Variants in GSPT1 observed in about 807,000 individuals in gnomAD.
The protein encoded by GSPT1 is eukaryotic peptide chain release factor GTP-binding subunit ERF3A.
Under a neutral mutation model 72.5 loss-of-function variants are expected in GSPT1, and 20 were observed. The observed-to-expected ratio is 0.28, with a 90% CI of 0.19 to 0.40. The LOEUF (loss-of-function observed/expected upper bound fraction) is 0.40, where lower values mean the gene tolerates loss of function less well. Among genes scored for constraint, GSPT1 ranks in the 10% least tolerant of loss-of-function variants. The probability of loss-of-function intolerance (pLI) is 1.00; values close to 1 mark genes in which losing one functional copy is unlikely to be tolerated. For synonymous variants in GSPT1, 334 were observed against 293.5 expected (o/e 1.14, Z -1.41); for missense variants, 580 against 811.9 (o/e 0.71, Z 3.47).
intron 11 of GSPT1, among the ~76,000 whole-genome samples, chr16:11,880,681 A>G (rs1209350721): frequency 6.6e-6 from 1 of 152,128 alleles, no homozygotes; most frequent in African/African-American, 2.4e-5. Flanking sequence ...GCATTTCTTC[A>G]TGTACTTTTT....
intron 11 of GSPT1, among the ~76,000 whole-genome samples, chr16:11,880,817 T>C (rs1245441243): frequency 6.6e-6 from 1 of 152,240 alleles, no homozygotes; most frequent in Non-Finnish European, 1.5e-5. Flanking sequence ...TAACCCCATA[T>C]TTAGATACAT....
At chr16:11,891,268 TA>T (rs1397065358) in intron 5 of GSPT1, 129 bp from the exon 6 acceptor site, 54 of 292,654 alleles carry the variant, frequency 1.8e-4, no homozygotes, top group East Asian at 1.3e-4. Context: ...TGTGTCTGTC[TA>T]AAAAAATATA....
At chr16:11,909,089 C>A (rs1282369315) in intron 1 of GSPT1, among the ~76,000 whole-genome samples, 1 of 151,350 alleles carries the variant, frequency 6.6e-6, no homozygotes, top group Non-Finnish European at 1.5e-5. Flanking sequence ...CTGCAGAATG[C>A]GCTTTTTTTT....
intron 11 of GSPT1, among the ~76,000 whole-genome samples, chr16:11,878,837 G>C (rs892762400): frequency 6.6e-6 from 1 of 151,840 alleles, no homozygotes. Context: ...AGGCCGAGGC[G>C]GGTGATCACC....
chr16:11,902,642 C>G (rs1005463494), intron 1 of GSPT1, among the ~76,000 whole-genome samples: 3 of 150,876 alleles, frequency 2.0e-5, no homozygotes, highest in Non-Finnish European at 4.4e-5. Context: ...GGTTGGAGTG[C>G]ACTATCGCAG....
intron 1 of GSPT1, among the ~76,000 whole-genome samples, chr16:11,901,122 A>T (rs1448456193): frequency 6.6e-6 from 1 of 152,148 alleles, no homozygotes; most frequent in Non-Finnish European, 1.5e-5. Flanking sequence ...ACACCACTGC[A>T]CTCCAGCCTG....
chr16:11,913,714 G>A (rs2054588962), intron 1 of GSPT1, among the ~76,000 whole-genome samples: 1 of 152,184 alleles, frequency 6.6e-6, no homozygotes, highest in African/African-American at 2.4e-5. Flanking sequence ...TAGGGAATGG[G>A]CACTTTTAGG....
rs751814716 is a variant in GSPT1 at position 11,915,433 on chromosome 16, C to T, written c.288G>A (p.Pro96=). 5.3e-6 allele frequency: 8 copies of T among 1,513,424 alleles called. No individual in the cohort carries two copies. The highest frequency in any genetic ancestry group is 7.1e-6 in the Non-Finnish European group (8 of 1,133,678). 93.7% of individuals were successfully genotyped at this position (1,513,424 alleles called of 1,614,324 possible). The change falls in exon 1 of 15, where the codon CCG becomes CCA. Residue 96 remains proline, a synonymous_variant. Coordinates refer to ENST00000434724, the MANE Select transcript of GSPT1 (RefSeq NM_002094.4). ...VPSFLRGPAA[P]PPPVGGAANN... ...TGGCGGCGCCGCCAACTGGGGGTGG[C>T]GGCGCTGCCGGGCCCCGCAGGAAGG...
At position 11,868,241 on chromosome 16, in the gene GSPT1, G is replaced by A. The variant is rs974395690; in HGVS notation, c.*4878C>T. 6.6e-6 allele frequency: 1 copy of A among 152,106 alleles called. No homozygotes were observed. The highest frequency in any genetic ancestry group is 6.6e-5 in the Admixed American group (1 of 15,256). The allele number at this position is 152,106 out of a possible 1,614,324, so 9.4% of individuals were successfully genotyped here. A position where few individuals can be genotyped will look rare whatever the true frequency, so the allele number is the denominator to read the frequency against. On this transcript the variant is annotated 3_prime_UTR_variant, in exon 15 of 15. Coordinates refer to ENST00000434724, the MANE Select transcript of GSPT1 (RefSeq NM_002094.4). The stretch of plus-strand genomic sequence containing the variant: ...TAATCCTCACACAGGCACCAAGTCA[G>A]GCACAGTAGGTAGCTACAAATCGTA...
intron 12 of GSPT1, among the ~76,000 whole-genome samples, chr16:11,876,922 AAT>A (rs1315966845): frequency 1.3e-5 from 2 of 152,212 alleles, no homozygotes; most frequent in Non-Finnish European, 2.9e-5. Flanking sequence ...CTGGCATCAA[AAT>A]CTAACTTGAT....
chr16:11,902,226 C>CA (rs1567448519), intron 1 of GSPT1, among the ~76,000 whole-genome samples: 2 of 150,224 alleles, frequency 1.3e-5, no homozygotes, highest in African/African-American at 4.9e-5. Context: ...ACTAAAAATA[C>CA]AAAAAATTAG....
chr16:11,898,339 T>C (rs1281357684), intron 1 of GSPT1, among the ~76,000 whole-genome samples: 3 of 152,202 alleles, frequency 2.0e-5, no homozygotes, highest in East Asian at 1.9e-4. Context: ...CAAAGTAATT[T>C]GCAGCTCAGC....
chr16:11,899,494 G>C (rs1026297649), intron 1 of GSPT1, among the ~76,000 whole-genome samples: 1 of 152,040 alleles, frequency 6.6e-6, no homozygotes, highest in African/African-American at 2.4e-5. Flanking sequence ...CAACTAGGAG[G>C]GGATGGGGGC....
chr16:11,878,774 A>G (rs2054080052), intron 11 of GSPT1, among the ~76,000 whole-genome samples: 1 of 152,026 alleles, frequency 6.6e-6, no homozygotes, highest in South Asian at 2.1e-4. Flanking sequence ...CATTTACTAC[A>G]TCAATAATGC....
At chr16:11,883,613 C>T (rs994436656) in intron 10 of GSPT1, among the ~76,000 whole-genome samples, 1 of 130,024 alleles carries the variant, frequency 7.7e-6, no homozygotes, top group Non-Finnish European at 1.6e-5. Context: ...GAGCAAGACT[C>T]TGTCTCAAAA....
At position 11,883,033 on chromosome 16, in the gene GSPT1, A is replaced by C. The variant is rs1272288997; in HGVS notation, c.1410T>G (p.Leu470=). ...ESGSICKGQQ[L]VMMPNKHNVE... ...TTCTTACCTTGTTTGGCATCATCAC[A>C]AGCTGCTGGCCTTTACAAATAGATC... Residue 470 remains leucine, a synonymous_variant, in exon 11 of 15, where the codon CTT becomes CTG. Transcript: ENST00000434724. 1 of 1,601,952 alleles carries C rather than the reference A, an allele frequency of 6.2e-7. No individual in the cohort carries two copies. Among genetic ancestry groups the C allele is most frequent in the Non-Finnish European group, 8.6e-7 (1 of 1,168,988 alleles).
In GSPT1 at chr16:11,913,350, C is replaced by CA. The variant is rs372764723; in HGVS notation, c.352+2018dup. On this transcript the variant is annotated intron_variant, in intron 1 of 14. Coordinates refer to ENST00000434724, the MANE Select transcript of GSPT1 (RefSeq NM_002094.4). ...AAGCAATTGGTAAAGTCGGTAACAC[C>CA]AAAATAGTTTTTTGATTAAAAACAA... 1.2e-3 allele frequency among the ~76,000 whole-genome samples: 181 copies of CA among 152,228 alleles called. 1 individual carries two copies. Among genetic ancestry groups the CA allele is most frequent in the African/African-American group, 4.2e-3 (174 of 41,552 alleles).
chr16:11,892,749 A>C (rs184687418), intron 5 of GSPT1, among the ~76,000 whole-genome samples: 15 of 136,932 alleles, frequency 1.1e-4, no homozygotes, highest in Admixed American at 3.3e-4. Flanking sequence ...GAATCATTTG[A>C]ACCCAGGAGG....
chr16:11,905,581 T>C (rs987555350), intron 1 of GSPT1, among the ~76,000 whole-genome samples: 5 of 152,152 alleles, frequency 3.3e-5, no homozygotes, highest in Non-Finnish European at 5.9e-5. Flanking sequence ...GTACCTGTAA[T>C]CCCAGCACTT....
Sources: allele counts gnomAD v4.1 joint callset (sites outside exome capture counted in the v4.1 genomes callset), GRCh38; gene constraint gnomAD v4.1.1; transcripts MANE v1.5; gene names NCBI Gene and HGNC (gene_info 2026-07-23, HGNC 2026-07-21).